Variants in NUP153 observed in about 807,000 individuals in gnomAD.
NUP153 encodes nuclear pore complex protein Nup153.
NUP153 carries 27 observed loss-of-function variants against 134.6 expected under a neutral mutation model. That is an observed-to-expected ratio of 0.20 (90% CI 0.15 to 0.28). The LOEUF is 0.28. Among genes scored for constraint, NUP153 ranks in the 10% least tolerant of loss-of-function variants. The pLI is 1.00. For missense variants in NUP153, 1,821 were observed against 1,731.3 expected (o/e 1.05, Z -0.92); for synonymous variants, 640 against 623.5 (o/e 1.03, Z -0.40).
At position 17,670,999 on chromosome 6, in the gene NUP153, T is replaced by C. The variant is rs141373572; in HGVS notation, c.853-1453A>G. ...CTAATTTTTGTATTTTTAGTAGAGA[T>C]AGGGTTTCACCATGTTGGCCAGGCT... On this transcript the variant is annotated intron_variant, in intron 5 of 21. Coordinates refer to ENST00000262077, the MANE Select transcript of NUP153 (RefSeq NM_005124.4). 3.1e-3 allele frequency among the ~76,000 whole-genome samples: 464 copies of C among 152,014 alleles called. 2 individuals are homozygous for C. Among genetic ancestry groups the C allele is most frequent in the African/African-American group, 0.011 (445 of 41,470 alleles).
chr6:17,641,699 A>G (rs1765850569), intron 14 of NUP153, among the ~76,000 whole-genome samples: 1 of 151,950 alleles, frequency 6.6e-6, no homozygotes, highest in Middle Eastern at 3.2e-3. Flanking sequence ...TAAAAATACA[A>G]AACAAATTAG....
chr6:17,685,947 C>T (rs1768896456), intron 2 of NUP153, among the ~76,000 whole-genome samples: 1 of 151,904 alleles, frequency 6.6e-6, no homozygotes, highest in African/African-American at 2.4e-5. Flanking sequence ...CAGTTGAAGC[C>T]CAGCCTAAGC....
chr6:17,701,830 C>CT (rs1430494402), intron 1 of NUP153, among the ~76,000 whole-genome samples: 1 of 15,890 alleles, frequency 6.3e-5, no homozygotes, highest in African/African-American at 1.3e-4. Context: ...AAGACTCTGT[C>CT]TCGGGGGGGG....
Position 17,637,711 on chromosome 6 carries a change from C to T in NUP153, c.1906G>A (p.Val636Ile), listed in dbSNP as rs2113784691. 2 of 1,608,992 alleles carry T rather than the reference C, an allele frequency of 1.2e-6. No homozygotes were observed. The highest frequency in any genetic ancestry group is 1.7e-5 in the Admixed American group (1 of 60,020). Residue 636 changes from valine to isoleucine, a missense_variant, in exon 16 of 22, where the codon GTT becomes ATT. Transcript: ENST00000262077. ...CTACTTATTGCTGGTCTTGTATAAA[C>T]TACTGGGCTTGTTGCGGTGGGCTGA... ...AAQPTATSPV[V>I]YTRPAISSFS... is the part of the protein sequence containing the mutation.
chr6:17,704,493 G>A (rs115661537), intron 1 of NUP153, among the ~76,000 whole-genome samples: 4 of 152,110 alleles, frequency 2.6e-5, no homozygotes, highest in Admixed American at 6.6e-5. Flanking sequence ...AGACGGATTA[G>A]GTTAAATGGC....
Position 17,626,105 on chromosome 6 carries a change from T to G in NUP153, c.3604A>C (p.Thr1202Pro), listed in dbSNP as rs59386738. 1.7e-5 allele frequency: 27 copies of G among 1,613,264 alleles called. No individual in the cohort carries two copies. Among genetic ancestry groups the G allele is most frequent in the African/African-American group, 1.1e-4 (8 of 74,918 alleles). ...FLNNSSSSSSTPATSAGGGIF... is the reference protein window; with the variant it reads ...FLNNSSSSSSPPATSAGGGIF... ...CCACCACCAGCAGAAGTGGCTGGTG[T>G]ACTTGAACTAGAGGAACTGTTGTTC... The change falls in exon 19 of 22, where the codon ACA becomes CCA. Residue 1202 changes from threonine to proline, a missense_variant. Coordinates refer to ENST00000262077, the MANE Select transcript of NUP153 (RefSeq NM_005124.4).
In NUP153 at chr6:17,669,273, A is replaced by G. The variant is rs1274669140; in HGVS notation, c.1014+20T>C. ...TTTGTATGAACAATATTTTGTAAAA[A>G]GGTTTAAATCTCAACTTACAGAATT... On this transcript the variant is annotated intron_variant, in intron 7 of 21. Coordinates refer to ENST00000262077, the MANE Select transcript of NUP153 (RefSeq NM_005124.4). The G allele has an allele frequency of 1.3e-6, 2 of 1,598,396 alleles. No homozygotes were observed. The highest frequency in any genetic ancestry group is 3.4e-5 in the Admixed American group (2 of 59,684).
At chr6:17,697,080 A>G (rs1305515100) in intron 1 of NUP153, among the ~76,000 whole-genome samples, 3 of 152,028 alleles carry the variant, frequency 2.0e-5, no homozygotes, top group African/African-American at 7.2e-5. Context: ...CAAAAAAAAA[A>G]AAATTAATCT....
intron 20 of NUP153, among the ~76,000 whole-genome samples, chr6:17,620,095 C>CAAAAAAAAA: frequency 3.2e-5 from 2 of 62,998 alleles, no homozygotes; most frequent in Non-Finnish European, 5.6e-5. Flanking sequence ...AAGACACCAT[C>CAAAAAAAAA]AAAAAAAAAA....
rs1768190867 is a variant in NUP153 at position 17,675,790 on chromosome 6, T to C, written c.335-20A>G. On this transcript the variant is annotated intron_variant, in intron 2 of 21. Coordinates refer to ENST00000262077, the MANE Select transcript of NUP153 (RefSeq NM_005124.4). The surrounding 1 kb of genome is among the most constrained non-coding windows in gnomAD (Gnocchi z 4.4). ...AAGGTTCTTAAAAGAAAAGCATTAA[T>C]ATTATGAATATACAACTTAGAGCGA... The C allele has an allele frequency of 4.4e-6, 7 of 1,606,360 alleles. No homozygotes were observed. The highest frequency in any genetic ancestry group is 2.2e-5 in the East Asian group (1 of 44,826).
chr6:17,639,864 A>G (rs984881219), intron 15 of NUP153, 75 bp downstream of exon 15: 3 of 1,368,570 alleles, frequency 2.2e-6, no homozygotes, highest in African/African-American at 1.5e-5. Context: ...TTAAAAGCCT[A>G]AAGTATAATA....
At chr6:17,651,165 G>A (rs1041803649) in intron 11 of NUP153, among the ~76,000 whole-genome samples, 1 of 152,032 alleles carries the variant, frequency 6.6e-6, no homozygotes, top group Non-Finnish European at 1.5e-5. Flanking sequence ...AACTAGCCAG[G>A]TGCAGTGGCA....
chr6:17,646,554 A>G (rs910652521), intron 13 of NUP153, among the ~76,000 whole-genome samples: 4 of 152,148 alleles, frequency 2.6e-5, no homozygotes, highest in African/African-American at 7.2e-5. Flanking sequence ...ACTTTCACCT[A>G]TTTTAAGATA....
chr6:17,660,901 T>A (rs923071523), intron 11 of NUP153, among the ~76,000 whole-genome samples: 1 of 152,124 alleles, frequency 6.6e-6, no homozygotes, highest in Admixed American at 6.6e-5. Flanking sequence ...CCAAAATGTA[T>A]CCTGATGGCA....
At chr6:17,631,408 A>G (rs1047097021) in intron 17 of NUP153, among the ~76,000 whole-genome samples, 1 of 152,142 alleles carries the variant, frequency 6.6e-6, no homozygotes, top group Non-Finnish European at 1.5e-5. Flanking sequence ...TGTTACATGG[A>G]TATGTTGCCT....
rs753696795 is a variant in NUP153 at position 17,706,436 on chromosome 6, G to C, written c.-49C>G. Reference sequence around the variant, plus strand: ...CTCCGGGGCGGGTAAGGGGGCGGGAGAGGCAGAGGCGGAGGCCTTAGAGAG... The same window carrying C: ...CTCCGGGGCGGGTAAGGGGGCGGGACAGGCAGAGGCGGAGGCCTTAGAGAG... On this transcript the variant is annotated 5_prime_UTR_variant, in exon 1 of 22. Coordinates refer to ENST00000262077, the MANE Select transcript of NUP153 (RefSeq NM_005124.4). The surrounding 1 kb of genome is among the most constrained non-coding windows in gnomAD (Gnocchi z 5.9). 8.6e-5 allele frequency: 127 copies of C among 1,477,392 alleles called. No homozygotes were observed. The highest frequency in any genetic ancestry group is 6.6e-5 in the Non-Finnish European group (71 of 1,069,624). The allele number at this position is 1,477,392 out of a possible 1,614,324, so 91.5% of individuals were successfully genotyped here.
chr6:17,705,913 C>T (rs1196507999), intron 1 of NUP153, among the ~76,000 whole-genome samples: 1 of 152,154 alleles, frequency 6.6e-6, no homozygotes, highest in African/African-American at 2.4e-5. Flanking sequence ...ACATCTTTTC[C>T]TTTCTCCCTC....
rs200482058 is a variant in NUP153, at chr6:17,688,484, T to C, written c.246A>G (p.Lys82=). 3.1e-5 allele frequency: 50 copies of C among 1,614,060 alleles called. No homozygotes were observed. Among genetic ancestry groups the C allele is most frequent in the Non-Finnish European group, 3.7e-5 (44 of 1,180,044 alleles). ...CATCGGCATATACCAGATGGTCCTC[T>C]TTATTTTCTGGCCAGCGTGGAACCT... The part of the protein sequence containing the change: ...TSEVPRWPEN[K]EDHLVYADEE... Residue 82 remains lysine (K), a synonymous_variant, in exon 2 of 22, where the codon AAA becomes AAG. Transcript: ENST00000262077.
Position 17,665,216 on chromosome 6 carries a change from G to A in NUP153, c.1215+23C>T, listed in dbSNP as rs370120523. ...TTATTCTAATCAATATTCAAAGACT[G>A]GTAGAAATATACATATACTCACACT... On this transcript the variant is annotated intron_variant, in intron 9 of 21. Coordinates refer to ENST00000262077, the MANE Select transcript of NUP153 (RefSeq NM_005124.4). 174 of 1,552,112 alleles carry A rather than the reference G, an allele frequency of 1.1e-4. 1 individual carries two copies. Among genetic ancestry groups the A allele is most frequent in the Admixed American group, 3.1e-4 (18 of 58,396 alleles).
Sources: allele counts gnomAD v4.1 joint callset (sites outside exome capture counted in the v4.1 genomes callset), GRCh38; gene constraint gnomAD v4.1.1; non-coding constraint Gnocchi (gnomAD v3.1); transcripts MANE v1.5; gene names NCBI Gene and HGNC (gene_info 2026-07-23, HGNC 2026-07-21).